The following FTO variants were observed in gnomAD, a reference collection of about 807,000 sequenced individuals.
FTO encodes the protein FTO alpha-ketoglutarate dependent dioxygenase.
A neutral mutation model predicts 63.9 loss-of-function variants in FTO; 47 were observed. That is an observed-to-expected ratio of 0.74 (90% CI 0.58 to 0.94). FTO has a LOEUF of 0.94. Among genes scored for constraint, FTO ranks in the 40% least tolerant of loss-of-function variants. FTO has a pLI of 0.00. For missense variants in FTO, 562 were observed against 618.1 expected (o/e 0.91, Z 0.96); for synonymous variants, 207 against 224.4 (o/e 0.92, Z 0.69).
intron 1 of FTO, among the ~76,000 whole-genome samples, chr16:53,800,330 T>C (rs1357687475): frequency 6.6e-6 from 1 of 152,202 alleles, no homozygotes; most frequent in Non-Finnish European, 1.5e-5. Context: ...CTGTTATTAT[T>C]TTAAGTTTAA....
chr16:53,711,577 C>G (rs190485646), intron 1 of FTO: 91 of 396,876 alleles, frequency 2.3e-4, no homozygotes, highest in East Asian at 2.1e-3. Context: ...AAAGGTGTAT[C>G]CTTATGAGAG....
intron 8 of FTO, among the ~76,000 whole-genome samples, chr16:54,059,272 T>C (rs2085514177): frequency 6.6e-6 from 1 of 152,228 alleles, no homozygotes; most frequent in African/African-American, 2.4e-5. Flanking sequence ...GACAATTGTA[T>C]GCTATCTCAA....
At chr16:54,106,951 T>C (rs1282680976) in intron 8 of FTO, among the ~76,000 whole-genome samples, 1 of 144,076 alleles carries the variant, frequency 6.9e-6, no homozygotes, top group African/African-American at 2.5e-5. Context: ...CTATATTATG[T>C]ATATACTTTA....
rs1248806463 is a variant in FTO, at chr16:54,116,850, T to A, written c.*4935T>A. The stretch of plus-strand genomic sequence containing the variant: ...AGGAGAACCACAAGTGCCCCCCAGA[T>A]CCCGGCTAGAAGGACCAGACAGCTT... On this transcript the variant is annotated 3_prime_UTR_variant, in exon 9 of 9. Transcript: ENST00000471389. 6.6e-6 allele frequency: 1 copy of A among 152,338 alleles called. No homozygotes were observed. Among genetic ancestry groups the A allele is most frequent in the Non-Finnish European group, 1.5e-5 (1 of 68,196 alleles). The allele number at this position is 152,338 out of a possible 1,614,324, so 9.4% of individuals were successfully genotyped here. A position where few individuals can be genotyped will look rare whatever the true frequency, so the allele number is the denominator to read the frequency against.
chr16:53,944,631 T>C (rs2082614649), intron 8 of FTO, among the ~76,000 whole-genome samples: 1 of 152,204 alleles, frequency 6.6e-6, no homozygotes, highest in Non-Finnish European at 1.5e-5. Flanking sequence ...AAGTTACAAT[T>C]GTGGATTGTA....
Position 53,775,293 on chromosome 16 carries a change from T to C in FTO, c.46-34847T>C, listed in dbSNP as rs1213888100. The stretch of plus-strand genomic sequence containing the variant: ...TTAATGACATTGACTTCCTTATTTC[T>C]TATATGGCCCCACCTTTCCTAGTCA... On this transcript the variant is annotated intron_variant, in intron 1 of 8. Coordinates refer to ENST00000471389, the MANE Select transcript of FTO (RefSeq NM_001080432.3). 3.3e-5 allele frequency among the ~76,000 whole-genome samples: 5 copies of C among 152,182 alleles called. No homozygotes were observed. The East Asian group carries it at 9.6e-4, about 29-fold the overall frequency.
intron 8 of FTO, among the ~76,000 whole-genome samples, chr16:54,059,198 C>T (rs1002736581): frequency 7.9e-5 from 12 of 152,122 alleles, no homozygotes; most frequent in Non-Finnish European, 1.6e-4. Flanking sequence ...ACCTTGCAGC[C>T]GAGTGAAAAA....
chr16:53,810,271 AT>A, intron 2 of FTO, 54 bp downstream of exon 2: 2 of 1,273,078 alleles, frequency 1.6e-6, no homozygotes, highest in South Asian at 1.2e-5. Context: ...GATCAACCTT[AT>A]TTTACCTATG....
chr16:53,775,946 A>G (rs903029572), intron 1 of FTO, among the ~76,000 whole-genome samples: 3 of 151,972 alleles, frequency 2.0e-5, no homozygotes, highest in Non-Finnish European at 2.9e-5. Flanking sequence ...TTTTATGTCG[A>G]CAATGTAAAT....
At chr16:53,868,795 A>T (rs915904603) in intron 4 of FTO, among the ~76,000 whole-genome samples, 3 of 151,990 alleles carry the variant, frequency 2.0e-5, no homozygotes, top group African/African-American at 7.3e-5. Flanking sequence ...CTGAATTTTT[A>T]TTTGTCTGAA....
intron 1 of FTO, among the ~76,000 whole-genome samples, chr16:53,766,196 T>C (rs1243276602): frequency 6.6e-6 from 1 of 152,156 alleles, no homozygotes; most frequent in Non-Finnish European, 1.5e-5. Flanking sequence ...TTCCAGGCTT[T>C]TAGCTTGAGT....
At chr16:54,063,175 G>A (rs1416033008) in intron 8 of FTO, among the ~76,000 whole-genome samples, 1 of 152,130 alleles carries the variant, frequency 6.6e-6, no homozygotes. Flanking sequence ...GTTTTCCCCG[G>A]AATTTTTCTG....
chr16:53,758,148 G>A (rs1322558086), intron 1 of FTO, among the ~76,000 whole-genome samples: 1 of 152,210 alleles, frequency 6.6e-6, no homozygotes, highest in Non-Finnish European at 1.5e-5. Context: ...GTCTAGAGGA[G>A]ACAGCAGGGA....
At chr16:53,824,784 T>C (rs1160379925) in intron 2 of FTO, among the ~76,000 whole-genome samples, 1 of 152,124 alleles carries the variant, frequency 6.6e-6, no homozygotes, top group Non-Finnish European at 1.5e-5. Flanking sequence ...AGCCTAAAAC[T>C]AGGGAGGAAC....
intron 8 of FTO, among the ~76,000 whole-genome samples, chr16:53,950,500 G>A (rs2082767651): frequency 2.0e-5 from 3 of 152,118 alleles, no homozygotes; most frequent in Admixed American, 6.5e-5. Context: ...GATAAATGTC[G>A]TAGATATATT....
At chr16:53,974,386 T>C (rs777646875) in intron 8 of FTO, among the ~76,000 whole-genome samples, 19 of 152,250 alleles carry the variant, frequency 1.2e-4, no homozygotes, top group Non-Finnish European at 2.2e-4. Flanking sequence ...AGAATTGTTA[T>C]TGTTCAGAAT....
intron 7 of FTO, among the ~76,000 whole-genome samples, chr16:53,896,152 C>T (rs1431405007): frequency 6.6e-6 from 1 of 152,140 alleles, no homozygotes; most frequent in Non-Finnish European, 1.5e-5. Context: ...GCTATTTTAG[C>T]CTTGGCTGCT....
At chr16:53,880,627 G>A (rs993426350) in intron 6 of FTO, among the ~76,000 whole-genome samples, 16 of 152,118 alleles carry the variant, frequency 1.1e-4, no homozygotes, top group Admixed American at 8.5e-4. Context: ...CTTGTTTCGT[G>A]ATTCATAGAT....
intron 8 of FTO, among the ~76,000 whole-genome samples, chr16:54,107,455 A>G (rs2086782308): frequency 6.6e-6 from 1 of 152,188 alleles, no homozygotes; most frequent in South Asian, 2.1e-4. Flanking sequence ...ATGGACCAGC[A>G]TTCTCTTGTT....
Sources: gnomAD v4.1 joint callset for allele counts (sites outside exome capture counted in the v4.1 genomes callset) on GRCh38, gnomAD v4.1.1 for gene constraint, MANE v1.5 for transcripts, NCBI Gene and HGNC (gene_info 2026-07-23, HGNC 2026-07-21) for gene names.